Variants in L3MBTL3 observed in about 807,000 individuals in gnomAD.
L3MBTL3 encodes L3MBTL histone methyl-lysine binding protein 3.
In L3MBTL3, 27 loss-of-function variants were observed where a neutral mutation model predicts 102.3. The observed-to-expected ratio is 0.26, with a 90% CI of 0.19 to 0.36. The LOEUF (loss-of-function observed/expected upper bound fraction) is 0.36. L3MBTL3 is among the 10% of genes least tolerant of loss of function. The pLI is 1.00. For synonymous variants in L3MBTL3, 340 were observed against 320.9 expected (o/e 1.06, Z -0.64); for missense variants, 798 against 955.3 (o/e 0.84, Z 2.17).
intron 22 of L3MBTL3, among the ~76,000 whole-genome samples, chr6:130,134,588 C>T (rs1303232690): frequency 6.6e-6 from 1 of 152,154 alleles, no homozygotes; most frequent in Non-Finnish European, 1.5e-5. Context: ...TCAGTAGAGA[C>T]CTTTAAAAAT....
At chr6:130,110,046 C>T (rs1785252352) in intron 19 of L3MBTL3, among the ~76,000 whole-genome samples, 1 of 152,124 alleles carries the variant, frequency 6.6e-6, no homozygotes, top group Non-Finnish European at 1.5e-5. Flanking sequence ...TGTTCTCTTC[C>T]ATTGGTTTAT....
chr6:130,074,834 A>C (rs1223925754), intron 13 of L3MBTL3, among the ~76,000 whole-genome samples: 2 of 152,216 alleles, frequency 1.3e-5, no homozygotes, highest in Admixed American at 6.5e-5. Context: ...AATTCGTAAC[A>C]AAAAGATCTG....
intron 18 of L3MBTL3, among the ~76,000 whole-genome samples, chr6:130,103,765 CA>C (rs1784834668): frequency 6.6e-6 from 1 of 152,118 alleles, no homozygotes; most frequent in Non-Finnish European, 1.5e-5. Flanking sequence ...GAATGATCAC[CA>C]AATGAGACCT....
intron 2 of L3MBTL3, among the ~76,000 whole-genome samples, chr6:130,039,277 A>G (rs1362465990): frequency 6.6e-6 from 1 of 152,092 alleles, no homozygotes; most frequent in Non-Finnish European, 1.5e-5. Flanking sequence ...TATAAGGAAC[A>G]ACTCCTCTTT....
intron 20 of L3MBTL3, among the ~76,000 whole-genome samples, chr6:130,129,485 C>G (rs1351649788): frequency 1.3e-5 from 2 of 152,116 alleles, no homozygotes; most frequent in Non-Finnish European, 2.9e-5. Context: ...AATCAAGAAT[C>G]AGGAAGGATG....
intron 16 of L3MBTL3, among the ~76,000 whole-genome samples, chr6:130,089,100 A>G (rs1562300471): frequency 1.3e-5 from 2 of 152,074 alleles, no homozygotes; most frequent in Middle Eastern, 3.4e-3. Flanking sequence ...AAGTTCTAGG[A>G]TATATGTGTA....
chr6:130,042,953 A>G (rs1007864551), intron 3 of L3MBTL3, 152 bp downstream of exon 3: 4 of 536,210 alleles, frequency 7.5e-6, no homozygotes, highest in Non-Finnish European at 1.3e-5. Context: ...TAAATTTGCA[A>G]GACAATTTGA....
chr6:130,117,249 T>A (rs1785775580), intron 19 of L3MBTL3, among the ~76,000 whole-genome samples: 1 of 148,284 alleles, frequency 6.7e-6, no homozygotes, highest in African/African-American at 2.5e-5. Flanking sequence ...TGTGATAGTT[T>A]ACTGAGAATG....
intron 19 of L3MBTL3, 44 bp from the exon 20 acceptor site, chr6:130,120,835 A>G (rs760908221): frequency 1.4e-6 from 2 of 1,462,498 alleles, no homozygotes; most frequent in Non-Finnish European, 1.9e-6. Context: ...CCATTTTTTT[A>G]AAATGTTTCT....
chr6:130,097,210 G>A (rs1034472767), intron 18 of L3MBTL3, among the ~76,000 whole-genome samples: 3 of 152,180 alleles, frequency 2.0e-5, no homozygotes, highest in African/African-American at 7.2e-5. Context: ...TAGACTTGTG[G>A]AGGAGCTTAC....
At chr6:130,075,906 T>C (rs1782922773) in intron 13 of L3MBTL3, among the ~76,000 whole-genome samples, 1 of 152,206 alleles carries the variant, frequency 6.6e-6, no homozygotes, top group Non-Finnish European at 1.5e-5. Context: ...CCTTTATCTC[T>C]TCCAAGTATT....
intron 20 of L3MBTL3, among the ~76,000 whole-genome samples, chr6:130,131,366 T>C (rs1239712145): frequency 2.0e-5 from 3 of 152,150 alleles, no homozygotes; most frequent in African/African-American, 7.2e-5. Context: ...GGTGAAGCAA[T>C]TGGAACTGTC....
At chr6:130,033,914 A>T (rs1779883860) in intron 2 of L3MBTL3, among the ~76,000 whole-genome samples, 1 of 152,256 alleles carries the variant, frequency 6.6e-6, no homozygotes, top group South Asian at 2.1e-4. Flanking sequence ...GTTGGGCTAC[A>T]GTCAGTACCC....
At chr6:130,095,563 T>A (rs1313859000) in intron 18 of L3MBTL3, among the ~76,000 whole-genome samples, 1 of 152,246 alleles carries the variant, frequency 6.6e-6, no homozygotes. Context: ...TCAGCCATTA[T>A]GTAAATCTAG....
intron 14 of L3MBTL3, among the ~76,000 whole-genome samples, chr6:130,081,566 G>A (rs951173624): frequency 7.4e-5 from 11 of 149,364 alleles, no homozygotes; most frequent in East Asian, 1.9e-4. Flanking sequence ...CTACAGGCAC[G>A]TGTTACCACA....
chr6:130,067,325 G>T (rs1177194925), intron 11 of L3MBTL3, among the ~76,000 whole-genome samples: 1 of 152,108 alleles, frequency 6.6e-6, no homozygotes, highest in Non-Finnish European at 1.5e-5. Flanking sequence ...TGTTGGCCAG[G>T]CTGGTCTCAA....
At chr6:130,028,340 G>T (rs368705538) in intron 2 of L3MBTL3, among the ~76,000 whole-genome samples, 1 of 152,112 alleles carries the variant, frequency 6.6e-6, no homozygotes, top group East Asian at 1.9e-4. Context: ...GCTGATAAAG[G>T]GACAGTGTTT....
At chr6:130,072,555 A>G (rs1782705072) in intron 13 of L3MBTL3, among the ~76,000 whole-genome samples, 1 of 152,188 alleles carries the variant, frequency 6.6e-6, no homozygotes, top group African/African-American at 2.4e-5. Context: ...TTTTCATTGA[A>G]ATACAGTCAA....
chr6:130,041,374 T>C (rs142718377), intron 2 of L3MBTL3, among the ~76,000 whole-genome samples: 44 of 152,332 alleles, frequency 2.9e-4, no homozygotes, highest in African/African-American at 9.4e-4. Flanking sequence ...TAATATTCTA[T>C]CATTCCTTCT....
Sources: gnomAD v4.1 joint callset for allele counts (sites outside exome capture counted in the v4.1 genomes callset) on GRCh38, gnomAD v4.1.1 for gene constraint, MANE v1.5 for transcripts, NCBI Gene and HGNC (gene_info 2026-07-23, HGNC 2026-07-21) for gene names.